The following NUP58 variants were observed in gnomAD, a reference collection of about 807,000 sequenced individuals.
The protein encoded by NUP58 is nucleoporin p58/p45.
In NUP58, 17 loss-of-function variants were observed where a neutral mutation model predicts 70.1. That is an observed-to-expected ratio of 0.24 (90% CI 0.17 to 0.36). The LOEUF is 0.36. NUP58 is among the 10% of genes least tolerant of loss of function. The probability of loss-of-function intolerance (pLI) is 1.00; values close to 1 mark genes in which losing one functional copy is unlikely to be tolerated. For synonymous variants in NUP58, 275 were observed against 257.6 expected, an observed-to-expected ratio of 1.07 and a Z score of -0.65; for missense variants, 644 against 701.5, an observed-to-expected ratio of 0.92 and a Z score of 0.93.
At chr13:25,327,186 A>C (rs2031427987) in intron 11 of NUP58, 152 bp downstream of exon 11, 1 of 561,114 alleles carries the variant, frequency 1.8e-6, no homozygotes, top group Non-Finnish European at 3.2e-6. Flanking sequence ...TATAAATATA[A>C]TATGCTTTAT....
rs921463004 is a variant in NUP58 at position 25,340,945 on chromosome 13, T to C, written c.*811T>C. 6.6e-6 allele frequency: 1 copy of C among 151,984 alleles called. No homozygotes were observed. The highest frequency in any genetic ancestry group is 1.5e-5 in the Non-Finnish European group (1 of 68,084). The allele number at this position is 151,984 out of a possible 1,614,324, so 9.4% of individuals were successfully genotyped here. On this transcript the variant is annotated 3_prime_UTR_variant, in exon 16 of 16. Transcript: ENST00000381736. Reference sequence around the variant, plus strand: ...AAAAAGATGAAAATAAAATAAAATATATATTTACAGGCCTACAACTTTTGC... The same window carrying C: ...AAAAAGATGAAAATAAAATAAAATACATATTTACAGGCCTACAACTTTTGC...
Position 25,322,465 on chromosome 13 carries a change from T to C in NUP58, c.951+1372T>C, listed in dbSNP as rs190529988. On this transcript the variant is annotated intron_variant, in intron 9 of 15. Coordinates refer to ENST00000381736, the MANE Select transcript of NUP58 (RefSeq NM_014089.4). Reference sequence around the variant, plus strand: ...CAGGTTGAGCATCCCTAATCCAAAATCTGAAATGTTGCAAAATCCAAAACT... The same window carrying C: ...CAGGTTGAGCATCCCTAATCCAAAACCTGAAATGTTGCAAAATCCAAAACT... Among the ~76,000 whole-genome samples the C allele has an allele frequency of 1.6e-3, 242 of 152,274 alleles. 2 individuals are homozygous for C. The highest frequency in any genetic ancestry group is 5.6e-3 in the African/African-American group (231 of 41,548).
At chr13:25,333,317 T>C in intron 13 of NUP58, 1 of 985,382 alleles carries the variant, frequency 1.0e-6, no homozygotes, top group Non-Finnish European at 1.2e-6. Flanking sequence ...CCCTCTGTGG[T>C]GGTTGACAAT....
chr13:25,319,384 A>T (rs774146647), intron 7 of NUP58, 34 bp downstream of exon 7: 1 of 1,566,404 alleles, frequency 6.4e-7, no homozygotes, highest in South Asian at 1.1e-5. Context: ...AGGCATTTTA[A>T]TTGAAGAGTT....
In NUP58 at chr13:25,333,358, C is replaced by T. The variant is rs1046692614; in HGVS notation, c.1435+1800C>T. On this transcript the variant is annotated intron_variant, in intron 13 of 15. Coordinates refer to ENST00000381736, the MANE Select transcript of NUP58 (RefSeq NM_014089.4). ...CTTAATCTGGAGTATTCTTGAGGAG[C>T]CTTTTGCTCATAGGCTTTAATTTTG... 1.2e-5 allele frequency: 12 copies of T among 985,214 alleles called. No homozygotes were observed. The South Asian group carries it at 5.2e-4, about 42-fold the overall frequency. The allele number at this position is 985,214 out of a possible 1,614,324, so 61.0% of individuals were successfully genotyped here. A position where few individuals can be genotyped will look rare whatever the true frequency, so the allele number is the denominator to read the frequency against.
Position 25,320,339 on chromosome 13 carries a change from A to C in NUP58, c.711-191A>C, listed in dbSNP as rs553501166. On this transcript the variant is annotated intron_variant, in intron 7 of 15. Coordinates refer to ENST00000381736, the MANE Select transcript of NUP58 (RefSeq NM_014089.4). ...AATCTTCATGTCAGATGAATTGTTA[A>C]AATTATTTTATAGATCCTATTTACA... 91 of 447,142 alleles carry C rather than the reference A, an allele frequency of 2.0e-4. 1 individual carries two copies. Among genetic ancestry groups the C allele is most frequent in the Non-Finnish European group, 1.1e-4 (28 of 256,322 alleles). 27.7% of individuals were successfully genotyped at this position (447,142 alleles called of 1,614,324 possible).
At chr13:25,308,426 C>T (rs1180923548) in intron 2 of NUP58, among the ~76,000 whole-genome samples, 2 of 151,838 alleles carry the variant, frequency 1.3e-5, no homozygotes, top group East Asian at 3.9e-4. Context: ...CCTCAGCCTC[C>T]TGAGTAGATG....
chr13:25,305,143 T>TTTTGTTTGTTTG (rs1555253617), intron 1 of NUP58, among the ~76,000 whole-genome samples: 10 of 10,308 alleles, frequency 9.7e-4, no homozygotes, highest in Admixed American at 6.7e-3. Flanking sequence ...TTTTTTTTTT[T>TTTTGTTTGTTTG]TTTTTTTTTT....
downstream of NUP58, among the ~76,000 whole-genome samples, chr13:25,343,081 T>A (rs1453488216): frequency 6.6e-6 from 1 of 152,084 alleles, no homozygotes; most frequent in Non-Finnish European, 1.5e-5. Flanking sequence ...ATGAGTAAGT[T>A]CTTTAGTGGT....
Position 25,301,759 on chromosome 13 carries a change from G to C in NUP58, c.-15G>C. The C allele has an allele frequency of 6.4e-7, 1 of 1,571,662 alleles. No homozygotes were observed. The highest frequency in any genetic ancestry group is 8.7e-7 in the Non-Finnish European group (1 of 1,150,790). ...CCCATTTCGCCTTGCTGACGGCGTC[G>C]AGCCCTGGCCAGACATGTCCACAGG... On this transcript the variant is annotated 5_prime_UTR_variant, in exon 1 of 16. Transcript: ENST00000381736.
At chr13:25,333,775 C>T (rs1555257136) in intron 13 of NUP58, 2 of 985,206 alleles carry the variant, frequency 2.0e-6, no homozygotes, top group Non-Finnish European at 2.4e-6. Flanking sequence ...TCTGTGAAAT[C>T]TTTGTTTTTA....
At position 25,334,899 on chromosome 13, in the gene NUP58, A is replaced by C. The variant is rs1165589415; in HGVS notation, c.1436-2037A>C. 4.1e-6 allele frequency: 4 copies of C among 984,756 alleles called. No individual in the cohort carries two copies. In the African/African-American group the frequency reaches 5.2e-5, roughly 13 times the overall value. 61.0% of individuals were successfully genotyped at this position (984,756 alleles called of 1,614,324 possible). On this transcript the variant is annotated intron_variant, in intron 13 of 15. Coordinates refer to ENST00000381736, the MANE Select transcript of NUP58 (RefSeq NM_014089.4). ...ATTGGTATATATCACTACAAACTTAATTTTATTTATGGAAATAAGAACCTC... is the reference window on the plus strand; with the variant it reads ...ATTGGTATATATCACTACAAACTTACTTTTATTTATGGAAATAAGAACCTC...
chr13:25,331,561 C>A lies in NUP58; in HGVS notation c.1435+3C>A. On this transcript the variant is annotated splice_donor_region_variant and intron_variant, in intron 13 of 15. Transcript: ENST00000381736. ...ACAGCAGCAACAGCCTGCTACAGGT[C>A]TGAACGCATTCAAGTTATAGCTTCT... 1 of 1,613,416 alleles carries A rather than the reference C, an allele frequency of 6.2e-7. No individual in the cohort carries two copies. Among genetic ancestry groups the A allele is most frequent in the South Asian group, 1.1e-5 (1 of 90,986 alleles).
intron 2 of NUP58, 74 bp from the exon 3 acceptor site, chr13:25,309,173 T>C: frequency 1.8e-6 from 2 of 1,133,480 alleles, no homozygotes; most frequent in East Asian, 2.4e-5. Context: ...TTTAAGTCTT[T>C]CCCTTATGAC....
chr13:25,329,089 A>G (rs1311214043), intron 12 of NUP58, among the ~76,000 whole-genome samples: 1 of 152,204 alleles, frequency 6.6e-6, no homozygotes, highest in Non-Finnish European at 1.5e-5. Flanking sequence ...ATCAGATTTA[A>G]AAAAATTCTA....
intron 14 of NUP58, among the ~76,000 whole-genome samples, 168 bp from the exon 15 acceptor site, chr13:25,338,468 A>G (rs966868372): frequency 6.6e-6 from 1 of 152,178 alleles, no homozygotes; most frequent in Non-Finnish European, 1.5e-5. Flanking sequence ...GAATTAGTCT[A>G]GTTCTTCTAA....
chr13:25,346,200 C>G (rs1415481873), downstream of NUP58, among the ~76,000 whole-genome samples: 1 of 152,174 alleles, frequency 6.6e-6, no homozygotes, highest in Non-Finnish European at 1.5e-5. Context: ...AGGATCTACT[C>G]TTATGAGCTG....
rs765996043 is a variant in NUP58 at position 25,336,175 on chromosome 13, C to T, written c.1436-761C>T. 9 of 1,362,196 alleles carry T rather than the reference C, an allele frequency of 6.6e-6. 1 individual carries two copies. The highest frequency in any genetic ancestry group is 3.9e-5 in the Admixed American group (2 of 51,850). The allele number at this position is 1,362,196 out of a possible 1,614,324, so 84.4% of individuals were successfully genotyped here. On this transcript the variant is annotated intron_variant, in intron 13 of 15. Coordinates refer to ENST00000381736, the MANE Select transcript of NUP58 (RefSeq NM_014089.4). ...GTATTGAATCTGTCAAGGTACACAG[C>T]GGTGCCTTTGTAAATGTTCATTACT...
intron 1 of NUP58, among the ~76,000 whole-genome samples, 196 bp downstream of exon 1, chr13:25,302,076 G>A (rs1033760356): frequency 2.6e-5 from 4 of 152,254 alleles, no homozygotes; most frequent in Non-Finnish European, 4.4e-5. Flanking sequence ...TGGTGAAGTG[G>A]AGGGCGGGAT....
Sources: gnomAD v4.1 joint callset for allele counts (sites outside exome capture counted in the v4.1 genomes callset) on GRCh38, gnomAD v4.1.1 for gene constraint, MANE v1.5 for transcripts, NCBI Gene and HGNC (gene_info 2026-07-23, HGNC 2026-07-21) for gene names.